GATAD2B: variants seen among roughly 807,000 people sequenced by gnomAD.
GATAD2B encodes the protein transcriptional repressor p66-beta.
A neutral mutation model predicts 64.3 loss-of-function variants in GATAD2B; 8 were observed. The observed-to-expected ratio is 0.12, with a 90% CI of 0.07 to 0.22. The LOEUF is 0.22. Ranked by LOEUF, GATAD2B falls within the 10% of genes least tolerant of loss-of-function variation. The pLI is 1.00. For missense variants in GATAD2B, 453 were observed against 752.0 expected (o/e 0.60, Z 4.65); for synonymous variants, 281 against 271.3 (o/e 1.04, Z -0.35).
chr1:153,912,454 T>C (rs1279590196), intron 1 of GATAD2B, among the ~76,000 whole-genome samples: 2 of 152,228 alleles, frequency 1.3e-5, no homozygotes, highest in East Asian at 3.8e-4. Context: ...AATTTATGCA[T>C]GGACACTTAT....
rs559258086 is a variant in GATAD2B, at chr1:153,834,439, G to A, written c.-1-6091C>T. ...GACGGAGTTTTGCTCTTGTTGCCCA[G>A]GCTGGAGTGCAATGGTGCGATCTCA... On this transcript the variant is annotated intron_variant, in intron 1 of 10. Transcript: ENST00000368655. 3.3e-5 allele frequency among the ~76,000 whole-genome samples: 5 copies of A among 151,868 alleles called. No individual in the cohort carries two copies. In the East Asian group the frequency reaches 7.7e-4, roughly 24 times the overall value.
chr1:153,905,717 A>G (rs1410832683), intron 1 of GATAD2B, among the ~76,000 whole-genome samples: 1 of 149,700 alleles, frequency 6.7e-6, no homozygotes, highest in African/African-American at 2.4e-5. Flanking sequence ...AAACTGCTTG[A>G]GCCCAGGAGT....
intron 9 of GATAD2B, 48 bp from the exon 10 acceptor site, chr1:153,811,896 T>G (rs777182533): frequency 7.2e-7 from 1 of 1,382,550 alleles, no homozygotes; most frequent in Admixed American, 1.8e-5. Context: ...TGATAGAATG[T>G]TAAGCGGGGG....
chr1:153,850,193 G>A (rs901976987), intron 1 of GATAD2B, among the ~76,000 whole-genome samples: 1 of 151,956 alleles, frequency 6.6e-6, no homozygotes, highest in Non-Finnish European at 1.5e-5. Flanking sequence ...TTACCCCAAG[G>A]GTATTATACA....
intron 1 of GATAD2B, among the ~76,000 whole-genome samples, chr1:153,909,707 G>T (rs1048006938): frequency 3.3e-5 from 5 of 149,988 alleles, no homozygotes. Context: ...CTGAGGGGGC[G>T]GGGGGGCAGA....
chr1:153,820,974 A>ATTTTTTTTTT lies in GATAD2B; in HGVS notation c.336-1249_336-1240dup, dbSNP rs869096882. Among the ~76,000 whole-genome samples, 6 of 50,842 alleles carry ATTTTTTTTTT rather than the reference A, an allele frequency of 1.2e-4. 1 individual carries two copies. Among genetic ancestry groups the ATTTTTTTTTT allele is most frequent in the African/African-American group, 5.2e-4 (6 of 11,540 alleles). The allele number at this position is 50,842 out of a possible 152,430, so 33.4% of individuals were successfully genotyped here. A position where few individuals can be genotyped will look rare whatever the true frequency, so the allele number is the denominator to read the frequency against. ...GTCCTAGTTGCTGTTGGCACATGGAATTTTTTTTTTTTTTTTTTTTTTTTT... is the reference window on the plus strand; with the variant it reads ...GTCCTAGTTGCTGTTGGCACATGGAATTTTTTTTTTTTTTTTTTTTTTTTTTTTTTTTTTT... On this transcript the variant is annotated intron_variant, in intron 2 of 10. Coordinates refer to ENST00000368655, the MANE Select transcript of GATAD2B (RefSeq NM_020699.4).
At chr1:153,820,790 C>T (rs1369727138) in intron 2 of GATAD2B, among the ~76,000 whole-genome samples, 5 of 151,670 alleles carry the variant, frequency 3.3e-5, no homozygotes, top group South Asian at 4.2e-4. Flanking sequence ...CCGCTACGCC[C>T]GGCTAATTTT....
chr1:153,837,063 C>T (rs1044727035), intron 1 of GATAD2B, among the ~76,000 whole-genome samples: 7 of 152,202 alleles, frequency 4.6e-5, no homozygotes, highest in African/African-American at 1.7e-4. Context: ...ACTTTATGCA[C>T]TCACAACCAT....
chr1:153,827,862 A>T, intron 2 of GATAD2B, 151 bp downstream of exon 2: 1 of 645,094 alleles, frequency 1.6e-6, no homozygotes, highest in Middle Eastern at 4.3e-4. Flanking sequence ...TTTCATTTGG[A>T]AATAAAATGA....
In GATAD2B at chr1:153,876,227, C is replaced by CAAAAAAAAAAAAAAAAAAAAA. The variant is rs71093296; in HGVS notation, c.-2+46485_-2+46505dup. ...TGGGCAACACAGTGAGACTTCGTCT[C>CAAAAAAAAAAAAAAAAAAAAA]AAAAAAAAAAAAAAAAAAAAAAAAA... On this transcript the variant is annotated intron_variant, in intron 1 of 10. Transcript: ENST00000368655. Among the ~76,000 whole-genome samples, 20 of 48,430 alleles carry CAAAAAAAAAAAAAAAAAAAAA rather than the reference C, an allele frequency of 4.1e-4. 3 individuals are homozygous for CAAAAAAAAAAAAAAAAAAAAA. Among genetic ancestry groups the CAAAAAAAAAAAAAAAAAAAAA allele is most frequent in the East Asian group, 2.5e-3 (3 of 1,210 alleles). 31.8% of individuals were successfully genotyped at this position (48,430 alleles called of 152,430 possible). A position where few individuals can be genotyped will look rare whatever the true frequency, so the allele number is the denominator to read the frequency against.
chr1:153,888,764 G>T (rs1286878891), intron 1 of GATAD2B, among the ~76,000 whole-genome samples: 1 of 152,090 alleles, frequency 6.6e-6, no homozygotes, highest in Admixed American at 6.6e-5. Flanking sequence ...AAGTATCTAA[G>T]TGTCTCTTCC....
intron 1 of GATAD2B, among the ~76,000 whole-genome samples, chr1:153,863,276 T>C (rs1223433624): frequency 6.6e-6 from 1 of 151,904 alleles, no homozygotes; most frequent in Non-Finnish European, 1.5e-5. Flanking sequence ...AGGTCAGGAG[T>C]TCAAGACCAG....
Position 153,808,986 on chromosome 1 carries a change from C to G in GATAD2B, c.*1191G>C, listed in dbSNP as rs1239205252. 6.6e-6 allele frequency: 1 copy of G among 152,018 alleles called. No homozygotes were observed. Among genetic ancestry groups the G allele is most frequent in the Non-Finnish European group, 1.5e-5 (1 of 68,026 alleles). 9.4% of individuals were successfully genotyped at this position (152,018 alleles called of 1,614,324 possible). ...AGGACTCCAACCTGATTGTGTACCC[C>G]CAGCCTCTCATCTCCTGGCACTCAG... On this transcript the variant is annotated 3_prime_UTR_variant, in exon 11 of 11. Transcript: ENST00000368655.
At chr1:153,872,224 C>A (rs1482668229) in intron 1 of GATAD2B, among the ~76,000 whole-genome samples, 1 of 146,368 alleles carries the variant, frequency 6.8e-6, no homozygotes, top group Non-Finnish European at 1.5e-5. Context: ...GAAGCTGAGG[C>A]AGGAGAATCA....
At chr1:153,835,783 C>T (rs1675239606) in intron 1 of GATAD2B, among the ~76,000 whole-genome samples, 1 of 151,936 alleles carries the variant, frequency 6.6e-6, no homozygotes, top group Non-Finnish European at 1.5e-5. Flanking sequence ...AGTGGAGTGG[C>T]GTGATCTCGG....
chr1:153,908,236 G>GTAA (rs1223905803), intron 1 of GATAD2B, among the ~76,000 whole-genome samples: 2 of 152,186 alleles, frequency 1.3e-5, no homozygotes, highest in African/African-American at 2.4e-5. Context: ...GCTCATGCCT[G>GTAA]TAATCTCACC....
At chr1:153,898,567 C>T (rs1479220471) in intron 1 of GATAD2B, among the ~76,000 whole-genome samples, 1 of 150,866 alleles carries the variant, frequency 6.6e-6, no homozygotes, top group Non-Finnish European at 1.5e-5. Flanking sequence ...CTCTACTAAA[C>T]ATACAAAAAA....
intron 2 of GATAD2B, among the ~76,000 whole-genome samples, chr1:153,823,707 G>C (rs1345451917): frequency 6.6e-6 from 1 of 151,130 alleles, no homozygotes; most frequent in Admixed American, 6.6e-5. Context: ...GGAATCTATC[G>C]GTTTTGCTTT....
chr1:153,892,690 AC>A (rs1677453485), intron 1 of GATAD2B, among the ~76,000 whole-genome samples: 1 of 142,634 alleles, frequency 7.0e-6, no homozygotes, highest in Non-Finnish European at 1.5e-5. Flanking sequence ...CTTGTAAGAA[AC>A]CTTTTTTTTT....
Sources: gnomAD v4.1 joint callset for allele counts (sites outside exome capture counted in the v4.1 genomes callset) on GRCh38, gnomAD v4.1.1 for gene constraint, MANE v1.5 for transcripts, NCBI Gene and HGNC (gene_info 2026-07-23, HGNC 2026-07-21) for gene names.